The following ZNF880 variants were observed in gnomAD, a reference collection of about 807,000 sequenced individuals.
The protein encoded by ZNF880 is zinc finger protein 880.
A neutral mutation model predicts 11.8 loss-of-function variants in ZNF880; 12 were observed. The ratio of observed to expected loss-of-function variants is 1.02; its 90% CI spans 0.65 to 1.65. The LOEUF (loss-of-function observed/expected upper bound fraction) is 1.65. Ranked by LOEUF, ZNF880 falls within the 40% of genes most tolerant of loss-of-function variation. The pLI, the probability that ZNF880 is intolerant of heterozygous loss-of-function variation, is 0.00. For missense variants in ZNF880, 601 were observed against 673.9 expected, an observed-to-expected ratio of 0.89 and a Z score of 1.20; for synonymous variants, 210 against 232.4, an observed-to-expected ratio of 0.90 and a Z score of 0.88.
downstream of ZNF880, among the ~76,000 whole-genome samples, chr19:52,386,075 T>C (rs913242111): frequency 4.0e-4 from 55 of 136,820 alleles, 8 homozygotes; most frequent in Middle Eastern, 3.9e-3. Flanking sequence ...CTCGGGAGGC[T>C]GAGGCAGGAC....
the ZNF880 span, among the ~76,000 whole-genome samples, chr19:52,394,074 C>T: frequency 2.6e-5 from 4 of 151,544 alleles, no homozygotes; most frequent in African/African-American, 4.8e-5. Context: ...CTCCTGACCT[C>T]GTAGTCCACC....
chr19:52,392,817 CTG>C, the ZNF880 span: 1 of 191,634 alleles, frequency 5.2e-6, no homozygotes, highest in Non-Finnish European at 1.2e-5. Flanking sequence ...AGAGTGGAAG[CTG>C]TATATATATA....
rs921264234 is a variant in ZNF880 at position 52,369,925 on chromosome 19, T to C, written c.-41T>C. ...CCTCGCCTCTCAGCTGCGCGCGCAGTTTCCTGGAGACCCGGAAGCAGATTA... is the reference window on the plus strand; with the variant it reads ...CCTCGCCTCTCAGCTGCGCGCGCAGCTTCCTGGAGACCCGGAAGCAGATTA... On this transcript the variant is annotated 5_prime_UTR_variant, in exon 1 of 4. Transcript: ENST00000422689. 6.4e-7 allele frequency: 1 copy of C among 1,551,486 alleles called. No homozygotes were observed. Among genetic ancestry groups the C allele is most frequent in the Non-Finnish European group, 8.7e-7 (1 of 1,146,960 alleles).
At chr19:52,394,048 C>A in the ZNF880 span, among the ~76,000 whole-genome samples, 1 of 151,532 alleles carries the variant, frequency 6.6e-6, no homozygotes, top group African/African-American at 2.4e-5. Context: ...ACCGTGTTAG[C>A]CAGGATAGTC....
chr19:52,393,540 A>C, the ZNF880 span, among the ~76,000 whole-genome samples: 1 of 152,124 alleles, frequency 6.6e-6, no homozygotes, highest in African/African-American at 2.4e-5. Flanking sequence ...ATGAAGTGAT[A>C]CCAATCTTTT....
Position 52,384,096 on chromosome 19 carries a change from A to G in ZNF880, c.516A>G (p.Pro172=). ...RNDFDDSPFL[P]QEQKAQIREK... is the part of the protein sequence containing the mutation. Reference sequence around the variant, plus strand: ...ATTTTGATGATTCTCCATTTCTCCCACAAGAACAAAAAGCACAAATAAGGG... The same window carrying G: ...ATTTTGATGATTCTCCATTTCTCCCGCAAGAACAAAAAGCACAAATAAGGG... Residue 172 remains proline (P), a synonymous_variant, in exon 4 of 4, where the codon CCA becomes CCG. Transcript: ENST00000422689. 3.8e-6 allele frequency: 6 copies of G among 1,593,010 alleles called. No individual in the cohort carries two copies. The highest frequency in any genetic ancestry group is 2.6e-6 in the Non-Finnish European group (3 of 1,168,976).
intron 3 of ZNF880, among the ~76,000 whole-genome samples, chr19:52,378,942 G>A (rs1479073839): frequency 6.6e-6 from 1 of 152,008 alleles, no homozygotes; most frequent in Non-Finnish European, 1.5e-5. Flanking sequence ...GGCTGTGGTG[G>A]TGCACACCTG....
chr19:52,394,296 G>C, the ZNF880 span, among the ~76,000 whole-genome samples: 1 of 152,112 alleles, frequency 6.6e-6, no homozygotes, highest in East Asian at 1.9e-4. Flanking sequence ...GAGTGCAGTG[G>C]AGCAATCTCA....
intron 3 of ZNF880, among the ~76,000 whole-genome samples, chr19:52,375,469 A>G (rs1319261097): frequency 1.3e-5 from 2 of 151,872 alleles, no homozygotes; most frequent in Non-Finnish European, 2.9e-5. Context: ...TGGGATTACA[A>G]ACATGAGCCA....
chr19:52,383,084 CTTCAG>C (rs1475123737), intron 3 of ZNF880, among the ~76,000 whole-genome samples: 1 of 152,124 alleles, frequency 6.6e-6, no homozygotes, highest in African/African-American at 2.4e-5. Context: ...TGAAATATTA[CTTCAG>C]TTATCATATT....
upstream of ZNF880, among the ~76,000 whole-genome samples, chr19:52,369,028 A>G (rs1313472972): frequency 1.4e-5 from 2 of 146,714 alleles, no homozygotes; most frequent in South Asian, 2.2e-4. Flanking sequence ...TCCATAAGAC[A>G]ATGGCAGGTA....
At chr19:52,390,066 TA>T (rs1432920761), downstream of ZNF880, 1 of 156,156 alleles carries the variant, frequency 6.4e-6, no homozygotes, top group Non-Finnish European at 1.4e-5. Flanking sequence ...ACGCTGCTAA[TA>T]AAGAAATACC....
At chr19:52,382,226 A>G (rs539349605) in intron 3 of ZNF880, among the ~76,000 whole-genome samples, 3 of 152,190 alleles carry the variant, frequency 2.0e-5, no homozygotes, top group South Asian at 2.1e-4. Flanking sequence ...GCAGTGGGCC[A>G]AGATCACGCC....
chr19:52,394,754 T>G, the ZNF880 span: 1 of 152,204 alleles, frequency 6.6e-6, no homozygotes, highest in Admixed American at 6.5e-5. Flanking sequence ...GTTCTGTGAT[T>G]CTTCATTAAT....
chr19:52,392,376 T>C, the ZNF880 span, among the ~76,000 whole-genome samples: 10 of 152,222 alleles, frequency 6.6e-5, no homozygotes, highest in Non-Finnish European at 1.3e-4. Flanking sequence ...TCTCAGCTCA[T>C]TGCAACCGCC....
chr19:52,393,067 GTTTT>G, the ZNF880 span, among the ~76,000 whole-genome samples: 1 of 141,746 alleles, frequency 7.1e-6, no homozygotes, highest in African/African-American at 2.6e-5. Context: ...AATCCTGTTA[GTTTT>G]TTTTTTTTTT....
In ZNF880 at chr19:52,384,868, C is replaced by G; in HGVS notation, c.1288C>G (p.His430Asp). The G allele has an allele frequency of 1.3e-6, 2 of 1,549,516 alleles. No homozygotes were observed. Among genetic ancestry groups the G allele is most frequent in the Non-Finnish European group, 1.7e-6 (2 of 1,147,014 alleles). ...AGGCCTTACTGCCCATCTACTAATT[C>G]ACACTGGAGAGAAACCTTACAAATG... ...CSGLTAHLLI[H>D]TGEKPYKCKE... is the part of the protein sequence containing the mutation. The change falls in exon 4 of 4, where the codon CAC (histidine) becomes GAC (aspartate). Residue 430 changes from histidine (H) to aspartate (D), a missense_variant. Coordinates refer to ENST00000422689, the MANE Select transcript of ZNF880 (RefSeq NM_001145434.2).
chr19:52,393,860 G>T, the ZNF880 span, among the ~76,000 whole-genome samples: 96 of 113,472 alleles, frequency 8.5e-4, 2 homozygotes, highest in African/African-American at 2.8e-3. Context: ...TTTTTGAGAC[G>T]GAGTCTTGCT....
intron 3 of ZNF880, chr19:52,374,856 T>A: frequency 6.3e-6 from 2 of 315,774 alleles, no homozygotes; most frequent in Non-Finnish European, 1.2e-5. Context: ...CACCTCTGCC[T>A]GCCAAGTCAC....
Sources: allele counts gnomAD v4.1 joint callset (sites outside exome capture counted in the v4.1 genomes callset), GRCh38; gene constraint gnomAD v4.1.1; transcripts MANE v1.5; gene names NCBI Gene and HGNC (gene_info 2026-07-23, HGNC 2026-07-21).